Variants in FAM149A observed in about 807,000 individuals in gnomAD.
The protein encoded by FAM149A is protein FAM149A.
A neutral mutation model predicts 78.2 loss-of-function variants in FAM149A; 71 were observed. The ratio of observed to expected loss-of-function variants is 0.91; its 90% CI spans 0.75 to 1.11. The LOEUF (loss-of-function observed/expected upper bound fraction) is 1.11, where lower values mean the gene tolerates loss of function less well. Among genes scored for constraint, FAM149A ranks in the 50% least tolerant of loss-of-function variants. The pLI is 0.00. For missense variants in FAM149A, 1,036 were observed against 971.0 expected (o/e 1.07, Z -0.89); for synonymous variants, 446 against 410.5 (o/e 1.09, Z -1.04).
At chr4:186,146,555 C>T in intron 1 of FAM149A, 1 of 958,200 alleles carries the variant, frequency 1.0e-6, no homozygotes, top group Non-Finnish European at 1.2e-6. Flanking sequence ...AGTGAATTTC[C>T]TAGAGGAATA....
chr4:186,125,550 C>G lies in FAM149A; in HGVS notation c.566+19908C>G, dbSNP rs180692065. On this transcript the variant is annotated intron_variant, in intron 1 of 13. Coordinates refer to ENST00000389354, the MANE Select transcript of FAM149A (RefSeq NM_001367768.3). ...GGTAGCTCTATCCAAGCAGGGATGT[C>G]AATGCAGTGAAATAGGTTTCTCACG... The G allele has an allele frequency of 8.4e-5, 30 of 355,944 alleles. No homozygotes were observed. In the Admixed American group the frequency reaches 1.7e-3, roughly 21 times the overall value. 22.0% of individuals were successfully genotyped at this position (355,944 alleles called of 1,614,324 possible).
intron 1 of FAM149A, among the ~76,000 whole-genome samples, chr4:186,122,179 T>C (rs1050440775): frequency 3.3e-5 from 5 of 152,212 alleles, no homozygotes; most frequent in African/African-American, 9.6e-5. Context: ...GAGATGAATG[T>C]AGACAGTAGG....
intron 1 of FAM149A, among the ~76,000 whole-genome samples, chr4:186,141,315 A>T (rs1277839736): frequency 6.6e-6 from 1 of 152,240 alleles, no homozygotes; most frequent in African/African-American, 2.4e-5. Context: ...GTACAAAAAA[A>T]TTAAAAATAT....
In FAM149A at chr4:186,144,757, G is replaced by A. The variant is rs1247282046; in HGVS notation, c.567-4416G>A. ...GGCCGGGGCCGGGGCCCGGAGCGGG[G>A]ATGGGCGGGCGCAGCCGGGATTAGC... On this transcript the variant is annotated intron_variant, in intron 1 of 13. Coordinates refer to ENST00000389354, the MANE Select transcript of FAM149A (RefSeq NM_001367768.3). The surrounding 1 kb of genome is among the most constrained non-coding windows in gnomAD (Gnocchi z 4.2). The A allele has an allele frequency of 2.2e-6, 2 of 929,096 alleles. No individual in the cohort carries two copies. Among genetic ancestry groups the A allele is most frequent in the Non-Finnish European group, 2.6e-6 (2 of 780,160 alleles). The allele number at this position is 929,096 out of a possible 1,614,324, so 57.6% of individuals were successfully genotyped here.
At chr4:186,105,808 T>A (rs2099308517) in intron 1 of FAM149A, among the ~76,000 whole-genome samples, 166 bp downstream of exon 1, 1 of 152,236 alleles carries the variant, frequency 6.6e-6, no homozygotes, top group Non-Finnish European at 1.5e-5. Flanking sequence ...TTTTACTCCT[T>A]GGCTTTGCGG....
intron 1 of FAM149A, chr4:186,109,281 G>A: frequency 1.2e-6 from 1 of 826,778 alleles, no homozygotes; most frequent in Non-Finnish European, 1.5e-6. Flanking sequence ...GCTTGTATAA[G>A]TCATAGTTAT....
intron 8 of FAM149A, chr4:186,158,564 G>A: frequency 3.5e-6 from 3 of 857,162 alleles, no homozygotes; most frequent in South Asian, 4.9e-5. Flanking sequence ...GAGTTTCAGG[G>A]GAACAGATTG....
rs553263773 is a variant in FAM149A at position 186,124,224 on chromosome 4, C to T, written c.566+18582C>T. On this transcript the variant is annotated intron_variant, in intron 1 of 13. Transcript: ENST00000389354. Reference sequence around the variant, plus strand: ...TGGAGGCAGAGGGTGGGTTGGCTTTCGGTTTCTTGCCATTTTTGTTTTTTG... The same window carrying T: ...TGGAGGCAGAGGGTGGGTTGGCTTTTGGTTTCTTGCCATTTTTGTTTTTTG... 28 of 984,788 alleles carry T rather than the reference C, an allele frequency of 2.8e-5. No homozygotes were observed. The South Asian group carries it at 5.2e-4, about 18-fold the overall frequency. 61.0% of individuals were successfully genotyped at this position (984,788 alleles called of 1,614,324 possible).
At chr4:186,127,359 CTGGA>C (rs2099318770) in intron 1 of FAM149A, 2 of 985,444 alleles carry the variant, frequency 2.0e-6, no homozygotes, top group South Asian at 9.4e-5. Flanking sequence ...TCCAGTCTAC[CTGGA>C]TTCCACAGGT....
At chr4:186,170,531 C>T (rs562673518) in intron 13 of FAM149A, among the ~76,000 whole-genome samples, 41 of 152,330 alleles carry the variant, frequency 2.7e-4, no homozygotes, top group African/African-American at 9.4e-4. Context: ...GGGCCAACCC[C>T]CGCCTAGAAC....
At chr4:186,126,091 A>G (rs2099318209) in intron 1 of FAM149A, 3 of 985,250 alleles carry the variant, frequency 3.0e-6, no homozygotes, top group Admixed American at 1.2e-4. Flanking sequence ...TGTTTCCAAT[A>G]TTTGAAAATT....
chr4:186,129,831 A>C (rs903950696), intron 1 of FAM149A, among the ~76,000 whole-genome samples: 1 of 152,232 alleles, frequency 6.6e-6, no homozygotes, highest in African/African-American at 2.4e-5. Flanking sequence ...AAGTGTTTGC[A>C]TGTGCAAATA....
At chr4:186,116,776 A>T (rs2099313926) in intron 1 of FAM149A, 1 of 981,808 alleles carries the variant, frequency 1.0e-6, no homozygotes, top group South Asian at 4.7e-5. Flanking sequence ...TAGCAGTTAT[A>T]TGTTTTTTTG....
At chr4:186,171,303 G>A (rs1020199509) in intron 13 of FAM149A, 1 of 152,220 alleles carries the variant, frequency 6.6e-6, no homozygotes, top group African/African-American at 2.4e-5. Flanking sequence ...GCTCTTATCA[G>A]GAACTCTGAG....
intron 8 of FAM149A, among the ~76,000 whole-genome samples, chr4:186,162,297 G>A (rs995970448): frequency 6.6e-6 from 1 of 152,234 alleles, no homozygotes; most frequent in Non-Finnish European, 1.5e-5. Context: ...AGAGAACCCA[G>A]GCAAGTGTGG....
intron 8 of FAM149A, among the ~76,000 whole-genome samples, chr4:186,159,945 C>T (rs1734392785): frequency 6.7e-6 from 1 of 148,948 alleles, no homozygotes; most frequent in Non-Finnish European, 1.5e-5. Context: ...CACACAGACA[C>T]ACACCACACC....
In FAM149A at chr4:186,117,560, A is replaced by C. The variant is rs6842634; in HGVS notation, c.566+11918A>C. 9.8e-3 allele frequency: 9,632 copies of C among 985,442 alleles called. 64 individuals are homozygous for C. The highest frequency in any genetic ancestry group is 0.011 in the Non-Finnish European group (9,141 of 829,936). 61.0% of individuals were successfully genotyped at this position (985,442 alleles called of 1,614,324 possible). A position where few individuals can be genotyped will look rare whatever the true frequency, so the allele number is the denominator to read the frequency against. ...ATGGACACCTGGGGCTTGGGAGGGC[A>C]CTGTCGGAGACCAAAGCAGTGTGAG... On this transcript the variant is annotated intron_variant, in intron 1 of 13. Transcript: ENST00000389354.
chr4:186,136,976 T>C (rs9312344), intron 1 of FAM149A, among the ~76,000 whole-genome samples: 15,490 of 70,592 alleles, frequency 0.22, 1,439 homozygotes, highest in East Asian at 0.26. Context: ...CTCTCTCTCT[T>C]TCTCTCTCTC....
chr4:186,129,504 C>G (rs1323861746), intron 1 of FAM149A, among the ~76,000 whole-genome samples: 11 of 152,206 alleles, frequency 7.2e-5, no homozygotes, highest in Non-Finnish European at 1.5e-4. Flanking sequence ...CCGCTTCCAG[C>G]AAGGGTGGAC....
Sources: gnomAD v4.1 joint callset for allele counts (sites outside exome capture counted in the v4.1 genomes callset) on GRCh38, gnomAD v4.1.1 for gene constraint, Gnocchi (gnomAD v3.1) non-coding constraint, MANE v1.5 for transcripts, NCBI Gene and HGNC (gene_info 2026-07-23, HGNC 2026-07-21) for gene names.